Variants in GALNT13 observed in about 807,000 individuals in gnomAD.
GALNT13 encodes the protein UDP-GalNAc:polypeptide N-acetylgalactosaminyltransferase 13.
A neutral mutation model predicts 64.2 loss-of-function variants in GALNT13; 28 were observed. That is an observed-to-expected ratio of 0.44 (90% CI 0.32 to 0.60). The LOEUF is 0.60. Ranked by LOEUF, GALNT13 falls within the 20% of genes least tolerant of loss-of-function variation. The probability of loss-of-function intolerance (pLI) is 0.05; values close to 1 mark genes in which losing one functional copy is unlikely to be tolerated. For synonymous variants in GALNT13, 214 were observed against 224.6 expected (o/e 0.95, Z 0.42); for missense variants, 577 against 669.8 (o/e 0.86, Z 1.53).
the GALNT13 span, among the ~76,000 whole-genome samples, chr2:153,110,823 A>T: frequency 6.6e-6 from 1 of 152,140 alleles, no homozygotes; most frequent in African/African-American, 2.4e-5. Flanking sequence ...GAAGGCGGTG[A>T]GACTATCACA....
chr2:154,424,350 C>T (rs1301530180), intron 11 of GALNT13, among the ~76,000 whole-genome samples: 3 of 152,100 alleles, frequency 2.0e-5, no homozygotes, highest in Non-Finnish European at 4.4e-5. Context: ...TTAACCTTTG[C>T]AAACCTCATA....
chr2:153,141,384 C>A, the GALNT13 span, among the ~76,000 whole-genome samples: 1 of 152,004 alleles, frequency 6.6e-6, no homozygotes, highest in Non-Finnish European at 1.5e-5. Flanking sequence ...TAAGGGTGGG[C>A]TAGGCCTAAG....
chr2:153,223,779 T>C, the GALNT13 span, among the ~76,000 whole-genome samples: 2 of 151,712 alleles, frequency 1.3e-5, no homozygotes, highest in Non-Finnish European at 2.9e-5. Flanking sequence ...GCCAACATGG[T>C]GAAATCCCGC....
chr2:153,526,846 G>A, the GALNT13 span, among the ~76,000 whole-genome samples: 1 of 151,900 alleles, frequency 6.6e-6, no homozygotes, highest in Non-Finnish European at 1.5e-5. Flanking sequence ...AAAAGAGATT[G>A]AAATAATTAA....
chr2:153,411,995 A>G, the GALNT13 span, among the ~76,000 whole-genome samples: 1 of 152,158 alleles, frequency 6.6e-6, no homozygotes, highest in Non-Finnish European at 1.5e-5. Context: ...GCTGCCAGAA[A>G]ATATAAAGCA....
At chr2:154,397,710 C>A (rs1421347398) in intron 10 of GALNT13, among the ~76,000 whole-genome samples, 2 of 152,100 alleles carry the variant, frequency 1.3e-5, no homozygotes, top group African/African-American at 4.8e-5. Flanking sequence ...ATTTAAGTGC[C>A]ATATTCATGC....
At chr2:154,129,226 C>T (rs951149932) in intron 3 of GALNT13, among the ~76,000 whole-genome samples, 3 of 152,116 alleles carry the variant, frequency 2.0e-5, no homozygotes, top group Non-Finnish European at 4.4e-5. Context: ...CCAGAGTACA[C>T]GCATAGATAC....
At chr2:154,019,135 T>C (rs1420502156) in intron 3 of GALNT13, among the ~76,000 whole-genome samples, 1 of 152,184 alleles carries the variant, frequency 6.6e-6, no homozygotes, top group Admixed American at 6.5e-5. Flanking sequence ...CTCTCTGCTC[T>C]TGGTTTCCTT....
intron 3 of GALNT13, among the ~76,000 whole-genome samples, chr2:154,026,904 C>T (rs959067537): frequency 2.0e-5 from 3 of 151,990 alleles, no homozygotes; most frequent in African/African-American, 7.2e-5. Context: ...TACACCCAAT[C>T]GAGCATCCGG....
chr2:153,723,251 C>T, the GALNT13 span, among the ~76,000 whole-genome samples: 18 of 148,138 alleles, frequency 1.2e-4, no homozygotes, highest in African/African-American at 4.4e-4. Context: ...CAAAATTCAA[C>T]AACCCTTCAT....
At chr2:153,618,232 A>G in the GALNT13 span, among the ~76,000 whole-genome samples, 1 of 151,482 alleles carries the variant, frequency 6.6e-6, no homozygotes, top group East Asian at 1.9e-4. Context: ...TTCCATTATC[A>G]TTTGTTTCAG....
rs371708917 is a variant in GALNT13, at chr2:153,966,315, G to A, written c.142+21676G>A. Among the ~76,000 whole-genome samples, 79 of 143,898 alleles carry A rather than the reference G, an allele frequency of 5.5e-4. 2 individuals carry two copies. In the South Asian group the frequency reaches 0.015, roughly 28 times the overall value. The allele number at this position is 143,898 out of a possible 152,430, so 94.4% of individuals were successfully genotyped here. ...TATACTGAGAAGCCTGGTCCTAGAT[G>A]TATAAAAGTTTCTTAATATGCTATT... On this transcript the variant is annotated intron_variant, in intron 3 of 12. Coordinates refer to ENST00000392825, the MANE Select transcript of GALNT13 (RefSeq NM_052917.4).
intron 3 of GALNT13, among the ~76,000 whole-genome samples, chr2:153,959,745 G>C (rs536903755): frequency 6.6e-6 from 1 of 152,322 alleles, no homozygotes; most frequent in South Asian, 2.1e-4. Context: ...GCCTCAGAGG[G>C]AGAGGCCTGC....
intron 3 of GALNT13, among the ~76,000 whole-genome samples, chr2:154,005,673 A>C (rs143422532): frequency 9.1e-4 from 139 of 152,274 alleles, no homozygotes; most frequent in African/African-American, 3.2e-3. Context: ...GATGCGTACA[A>C]ATATAAGTAA....
At chr2:154,268,624 C>CAG (rs543806705) in intron 8 of GALNT13, among the ~76,000 whole-genome samples, 2 of 151,746 alleles carry the variant, frequency 1.3e-5, no homozygotes, top group Admixed American at 1.3e-4. Context: ...CACACACACA[C>CAG]AGAGAGAGAG....
rs144724305 is a variant in GALNT13, at chr2:154,004,676, A to T, written c.142+60037A>T. ...ATCAGTTCTCATTTCTGATGCCACT[A>T]GTGTCACAAAAATTGATTTGCCATT... On this transcript the variant is annotated intron_variant, in intron 3 of 12. Transcript: ENST00000392825. Among the ~76,000 whole-genome samples, 73 of 152,288 alleles carry T rather than the reference A, an allele frequency of 4.8e-4. 1 individual carries two copies. The East Asian group carries it at 0.013, about 27-fold the overall frequency.
intron 9 of GALNT13, among the ~76,000 whole-genome samples, chr2:154,340,843 C>T (rs1695720170): frequency 6.6e-6 from 1 of 151,866 alleles, no homozygotes; most frequent in Non-Finnish European, 1.5e-5. Context: ...AGATTTTATC[C>T]TTCCAATAAT....
At chr2:154,262,575 A>G (rs1690758325) in intron 8 of GALNT13, among the ~76,000 whole-genome samples, 1 of 152,200 alleles carries the variant, frequency 6.6e-6, no homozygotes, top group Non-Finnish European at 1.5e-5. Context: ...GCAATAACAT[A>G]AATCCTAACA....
chr2:153,767,891 T>G, the GALNT13 span, among the ~76,000 whole-genome samples: 2 of 152,296 alleles, frequency 1.3e-5, no homozygotes, highest in Middle Eastern at 3.4e-3. Context: ...TTTCTCTGAT[T>G]ATTTAAGTGG....
Sources: gnomAD v4.1 joint callset for allele counts (sites outside exome capture counted in the v4.1 genomes callset) on GRCh38, gnomAD v4.1.1 for gene constraint, MANE v1.5 for transcripts, NCBI Gene and HGNC (gene_info 2026-07-23, HGNC 2026-07-21) for gene names.